Variants in SH3GL2 observed in about 807,000 individuals in gnomAD.
SH3GL2 encodes the protein SH3 domain containing GRB2 like 2, endophilin A1, also known as endophilin-A1.
A neutral mutation model predicts 46.0 loss-of-function variants in SH3GL2; 24 were observed. The observed-to-expected ratio is 0.52, with a 90% CI of 0.38 to 0.73. The LOEUF (loss-of-function observed/expected upper bound fraction) is 0.73, where lower values mean the gene tolerates loss of function less well. Among genes scored for constraint, SH3GL2 ranks in the 30% least tolerant of loss-of-function variants. SH3GL2 has a pLI of 0.00. For synonymous variants in SH3GL2, 196 were observed against 147.1 expected (o/e 1.33, Z -2.40); for missense variants, 413 against 424.2 (o/e 0.97, Z 0.23).
chr9:17,742,440 C>T (rs1822553261), intron 1 of SH3GL2, among the ~76,000 whole-genome samples: 1 of 152,284 alleles, frequency 6.6e-6, no homozygotes, highest in South Asian at 2.1e-4. Context: ...ATAAGACATC[C>T]ACTACTGCAG....
intron 1 of SH3GL2, among the ~76,000 whole-genome samples, chr9:17,656,369 G>T (rs1015331774): frequency 3.3e-5 from 5 of 151,848 alleles, no homozygotes; most frequent in Non-Finnish European, 7.4e-5. Context: ...CTAGCTTTAT[G>T]AAATTGTAAA....
intron 1 of SH3GL2, among the ~76,000 whole-genome samples, chr9:17,739,485 A>C (rs1375514807): frequency 1.3e-5 from 2 of 152,130 alleles, no homozygotes; most frequent in Admixed American, 1.3e-4. Context: ...ATGAAAATGT[A>C]TAAAATTTTT....
chr9:17,636,997 C>T (rs1406103827), intron 1 of SH3GL2, among the ~76,000 whole-genome samples: 1 of 152,178 alleles, frequency 6.6e-6, no homozygotes, highest in Non-Finnish European at 1.5e-5. Context: ...AGGTTACTTG[C>T]TCTAACCTGC....
intron 1 of SH3GL2, among the ~76,000 whole-genome samples, chr9:17,690,704 TCA>T (rs1378308942): frequency 6.6e-6 from 1 of 152,076 alleles, no homozygotes; most frequent in Non-Finnish European, 1.5e-5. Context: ...TCCTAGCCCG[TCA>T]CATTTATTAA....
chr9:17,692,997 CT>C (rs1289963712), intron 1 of SH3GL2, among the ~76,000 whole-genome samples: 1 of 152,136 alleles, frequency 6.6e-6, no homozygotes, highest in Non-Finnish European at 1.5e-5. Flanking sequence ...TTACCTCCCC[CT>C]GGGTCCCTCC....
chr9:17,610,178 TGCAAGAATTAAATA>T lies in SH3GL2; in HGVS notation c.45+30896_45+30909del, dbSNP rs575182765. Among the ~76,000 whole-genome samples, 18 of 152,346 alleles carry T rather than the reference TGCAAGAATTAAATA, an allele frequency of 1.2e-4. 2 individuals are homozygous for T. In the East Asian group the frequency reaches 2.5e-3, roughly 21 times the overall value. ...TCCAAAGTTAGCTTCCTCAGGGTAT[TGCAAGAATTAAATA>T]GCAAAATGCACATAAGTGTCTGGCG... On this transcript the variant is annotated intron_variant, in intron 1 of 8. Transcript: ENST00000380607.
chr9:17,791,691 G>A (rs1824134327), intron 7 of SH3GL2, among the ~76,000 whole-genome samples: 2 of 152,176 alleles, frequency 1.3e-5, no homozygotes, highest in South Asian at 4.1e-4. Context: ...TAACCTAAGT[G>A]TTTTTAGCCT....
chr9:17,591,518 G>T (rs1160527554), intron 1 of SH3GL2, among the ~76,000 whole-genome samples: 1 of 152,082 alleles, frequency 6.6e-6, no homozygotes, highest in East Asian at 1.9e-4. Flanking sequence ...TTTCATTGGT[G>T]TATTAAACAA....
At chr9:17,636,469 C>T (rs961837910) in intron 1 of SH3GL2, among the ~76,000 whole-genome samples, 1 of 152,160 alleles carries the variant, frequency 6.6e-6, no homozygotes, top group African/African-American at 2.4e-5. Flanking sequence ...TAACCTGATC[C>T]ATCTTTGCAT....
chr9:17,739,138 T>G (rs1822448992), intron 1 of SH3GL2, among the ~76,000 whole-genome samples: 1 of 152,108 alleles, frequency 6.6e-6, no homozygotes, highest in Admixed American at 6.6e-5. Flanking sequence ...TAGTTTCAAT[T>G]CACAAAACTG....
At chr9:17,665,712 A>G (rs1349556446) in intron 1 of SH3GL2, among the ~76,000 whole-genome samples, 1 of 151,794 alleles carries the variant, frequency 6.6e-6, no homozygotes, top group Non-Finnish European at 1.5e-5. Context: ...GGAATCAGCC[A>G]GTACTCTAAG....
chr9:17,691,303 T>G (rs1419798517), intron 1 of SH3GL2, among the ~76,000 whole-genome samples: 1 of 152,208 alleles, frequency 6.6e-6, no homozygotes, highest in Admixed American at 6.5e-5. Flanking sequence ...CTAATTCTAC[T>G]TTTATTTTAT....
intron 1 of SH3GL2, among the ~76,000 whole-genome samples, chr9:17,744,428 C>T (rs111937319): frequency 0.013 from 1,974 of 151,684 alleles, 37 homozygotes; most frequent in African/African-American, 0.044. Flanking sequence ...TGCAGTGGCA[C>T]GATCACGGCT....
chr9:17,581,367 T>C (rs544471328), intron 1 of SH3GL2, among the ~76,000 whole-genome samples: 3 of 152,224 alleles, frequency 2.0e-5, no homozygotes, highest in Non-Finnish European at 2.9e-5. Context: ...AATCACTGCG[T>C]CATTGTCTTC....
chr9:17,736,212 A>G (rs183633019), intron 1 of SH3GL2, among the ~76,000 whole-genome samples: 2 of 152,268 alleles, frequency 1.3e-5, no homozygotes, highest in East Asian at 3.9e-4. Context: ...ATGTATGGAT[A>G]TGTATGTCTG....
At chr9:17,756,428 A>C in intron 2 of SH3GL2, among the ~76,000 whole-genome samples, 1 of 150,562 alleles carries the variant, frequency 6.6e-6, no homozygotes, top group Admixed American at 6.6e-5. Context: ...TGCACCCATT[A>C]ACTCGTCATT....
At chr9:17,620,290 G>A (rs924188714) in intron 1 of SH3GL2, among the ~76,000 whole-genome samples, 8 of 152,130 alleles carry the variant, frequency 5.3e-5, no homozygotes, top group East Asian at 3.9e-4. Flanking sequence ...GATCTGCTAC[G>A]CACCATACAC....
At chr9:17,598,697 T>C (rs1053509597) in intron 1 of SH3GL2, among the ~76,000 whole-genome samples, 1 of 152,234 alleles carries the variant, frequency 6.6e-6, no homozygotes, top group African/African-American at 2.4e-5. Context: ...TGGTTTGTGA[T>C]TGTGCATTAA....
chr9:17,669,437 C>G (rs1820420631), intron 1 of SH3GL2, among the ~76,000 whole-genome samples: 1 of 152,196 alleles, frequency 6.6e-6, no homozygotes, highest in Admixed American at 6.5e-5. Flanking sequence ...CCTCTTTCAT[C>G]TTCCCTAGCC....
Sources: gnomAD v4.1 joint callset for allele counts (sites outside exome capture counted in the v4.1 genomes callset) on GRCh38, gnomAD v4.1.1 for gene constraint, MANE v1.5 for transcripts, NCBI Gene and HGNC (gene_info 2026-07-23, HGNC 2026-07-21) for gene names.